EYA2: variants seen among roughly 807,000 people sequenced by gnomAD.
EYA2 encodes protein phosphatase EYA2.
EYA2 carries 31 observed loss-of-function variants against 69.2 expected under a neutral mutation model. The observed-to-expected ratio is 0.45, with a 90% CI of 0.34 to 0.60. The LOEUF is 0.60. Ranked by LOEUF, EYA2 falls within the 20% of genes least tolerant of loss-of-function variation. The pLI is 0.02. For synonymous variants in EYA2, 257 were observed against 279.4 expected (o/e 0.92, Z 0.80); for missense variants, 622 against 701.2 (o/e 0.89, Z 1.28).
At chr20:46,954,713 C>T (rs928129837) in intron 1 of EYA2, among the ~76,000 whole-genome samples, 3 of 152,138 alleles carry the variant, frequency 2.0e-5, no homozygotes, top group Non-Finnish European at 4.4e-5. Flanking sequence ...GAGATGCCAC[C>T]GATAGCCACC....
At chr20:47,052,850 C>G (rs1462666890) in intron 5 of EYA2, among the ~76,000 whole-genome samples, 1 of 152,172 alleles carries the variant, frequency 6.6e-6, no homozygotes, top group Non-Finnish European at 1.5e-5. Flanking sequence ...TCTCAAACTC[C>G]TGGCCTCAAG....
intron 9 of EYA2, among the ~76,000 whole-genome samples, chr20:47,131,108 A>T (rs2033331775): frequency 6.6e-6 from 1 of 152,166 alleles, no homozygotes; most frequent in Admixed American, 6.5e-5. Flanking sequence ...AAAAATCAAA[A>T]ATACTCTATG....
chr20:47,031,658 GT>G (rs1167605633), intron 5 of EYA2, among the ~76,000 whole-genome samples: 3 of 152,168 alleles, frequency 2.0e-5, no homozygotes, highest in African/African-American at 4.8e-5. Context: ...CTTTGATGAC[GT>G]TGCTTTTGTG....
intron 1 of EYA2, among the ~76,000 whole-genome samples, chr20:46,941,222 C>T (rs1335372219): frequency 6.6e-6 from 1 of 152,220 alleles, no homozygotes; most frequent in Non-Finnish European, 1.5e-5. Context: ...CTCAGGTGAG[C>T]CATGCACCCT....
At chr20:47,072,431 T>C (rs2031349316) in intron 6 of EYA2, among the ~76,000 whole-genome samples, 179 bp downstream of exon 6, 1 of 152,168 alleles carries the variant, frequency 6.6e-6, no homozygotes, top group African/African-American at 2.4e-5. Flanking sequence ...GGACACAGTA[T>C]ACAGGCGGAG....
chr20:46,956,842 A>G (rs1489246464), intron 1 of EYA2, among the ~76,000 whole-genome samples: 2 of 152,262 alleles, frequency 1.3e-5, no homozygotes, highest in Non-Finnish European at 2.9e-5. Context: ...CCTCAGAATC[A>G]TGAAAGGCAA....
intron 1 of EYA2, among the ~76,000 whole-genome samples, chr20:46,961,766 G>A (rs917589961): frequency 4.6e-5 from 7 of 152,152 alleles, no homozygotes; most frequent in Non-Finnish European, 8.8e-5. Flanking sequence ...AAATAAGCGA[G>A]GAGCAGAAAG....
intron 9 of EYA2, 100 bp downstream of exon 9, chr20:47,097,268 T>TTTGTTGGAGAAGCTGC: frequency 1.1e-6 from 1 of 898,572 alleles, no homozygotes. Context: ...TGAGGCAGCT[T>TTTGTTGGAGAAGCTGC]CTCCAACAAA....
intron 9 of EYA2, among the ~76,000 whole-genome samples, chr20:47,134,541 G>A (rs899176195): frequency 4.6e-5 from 7 of 151,510 alleles, no homozygotes; most frequent in African/African-American, 1.5e-4. Flanking sequence ...CATGGTCACA[G>A]TAAGAAATAC....
At chr20:47,136,561 T>C (rs1359538168) in intron 9 of EYA2, among the ~76,000 whole-genome samples, 1 of 151,960 alleles carries the variant, frequency 6.6e-6, no homozygotes, top group East Asian at 1.9e-4. Flanking sequence ...CTGGGCCACA[T>C]AGCAAGACCC....
At chr20:47,083,377 G>A (rs1302291469) in intron 7 of EYA2, among the ~76,000 whole-genome samples, 1 of 152,104 alleles carries the variant, frequency 6.6e-6, no homozygotes, top group Non-Finnish European at 1.5e-5. Context: ...AGGAGTTCAA[G>A]ATCAGCCTGG....
At chr20:47,062,091 C>T (rs563619104) in intron 5 of EYA2, among the ~76,000 whole-genome samples, 29 of 152,198 alleles carry the variant, frequency 1.9e-4, no homozygotes, top group Non-Finnish European at 3.2e-4. Context: ...CATTTGCCTT[C>T]CTGCCTGAAT....
intron 1 of EYA2, among the ~76,000 whole-genome samples, chr20:46,897,399 G>A (rs1017175687): frequency 2.0e-5 from 3 of 152,146 alleles, no homozygotes; most frequent in Non-Finnish European, 4.4e-5. Context: ...TGGATCCTCC[G>A]TGACAAGATG....
intron 10 of EYA2, among the ~76,000 whole-genome samples, chr20:47,148,377 G>T (rs2033751601): frequency 6.6e-6 from 1 of 152,176 alleles, no homozygotes. Flanking sequence ...TTCCACCAGG[G>T]GGCTACAGGG....
intron 10 of EYA2, chr20:47,161,595 G>A (rs772550355): frequency 2.5e-5 from 7 of 279,088 alleles, no homozygotes; most frequent in East Asian, 1.3e-4. Context: ...GCCTTGGCCC[G>A]GGCCCTGTCC....
At chr20:47,143,241 C>CTT (rs961756252) in intron 10 of EYA2, 93 bp downstream of exon 10, 2 of 1,145,622 alleles carry the variant, frequency 1.7e-6, no homozygotes, top group African/African-American at 3.2e-5. Flanking sequence ...CTTTCTTTTT[C>CTT]TTTTTCTTTT....
intron 1 of EYA2, among the ~76,000 whole-genome samples, chr20:46,939,785 G>A (rs950111965): frequency 1.3e-5 from 2 of 152,090 alleles, no homozygotes; most frequent in African/African-American, 4.8e-5. Flanking sequence ...CTTCCATAAC[G>A]GGTTTGCTCA....
rs1055690175 is a variant in EYA2 at position 46,912,856 on chromosome 20, G to A, written c.-11+17869G>A. On this transcript the variant is annotated intron_variant, in intron 1 of 15. Coordinates refer to ENST00000327619, the MANE Select transcript of EYA2 (RefSeq NM_005244.5). ...GCTGGGACTACAGGCGCCCGCCACCGCGCCCGGCTAATTTTTTGTATTTTT... is the reference window on the plus strand; with the variant it reads ...GCTGGGACTACAGGCGCCCGCCACCACGCCCGGCTAATTTTTTGTATTTTT... 1.2e-4 allele frequency among the ~76,000 whole-genome samples: 18 copies of A among 151,110 alleles called. No individual in the cohort carries two copies. In the East Asian group the frequency reaches 1.6e-3, roughly 13 times the overall value.
At chr20:47,028,689 G>T (rs572779230) in intron 5 of EYA2, among the ~76,000 whole-genome samples, 1 of 152,306 alleles carries the variant, frequency 6.6e-6, no homozygotes, top group Admixed American at 6.5e-5. Context: ...ATGTAAAATT[G>T]TACCTGTAAA....
Sources: allele counts gnomAD v4.1 joint callset (sites outside exome capture counted in the v4.1 genomes callset), GRCh38; gene constraint gnomAD v4.1.1; transcripts MANE v1.5; gene names NCBI Gene and HGNC (gene_info 2026-07-23, HGNC 2026-07-21).